The following EIF3H variants were observed in gnomAD, a reference collection of about 807,000 sequenced individuals.
The protein encoded by EIF3H is eIF-3-gamma.
A neutral mutation model predicts 44.2 loss-of-function variants in EIF3H; 26 were observed. The ratio of observed to expected loss-of-function variants is 0.59; its 90% CI spans 0.43 to 0.82. The LOEUF (loss-of-function observed/expected upper bound fraction) is 0.82. Ranked by LOEUF, EIF3H falls within the 40% of genes least tolerant of loss-of-function variation. EIF3H has a pLI of 0.00. For synonymous variants in EIF3H, 166 were observed against 151.9 expected (o/e 1.09, Z -0.68); for missense variants, 359 against 432.8 (o/e 0.83, Z 1.51).
rs534618499 is a variant in EIF3H, at chr8:116,696,450, T to C, written c.289+29566A>G. Among the ~76,000 whole-genome samples, 31 of 152,284 alleles carry C rather than the reference T, an allele frequency of 2.0e-4. No individual in the cohort carries two copies. The South Asian group carries it at 2.1e-3, about 10-fold the overall frequency. On this transcript the variant is annotated intron_variant, in intron 2 of 7. Transcript: ENST00000521861. The stretch of plus-strand genomic sequence containing the variant: ...AAATTGAAAATTTCTTAAAAGAGAA[T>C]AGTTACAAAGTTCCCCATAAAATAC...
chr8:116,746,342 A>G (rs1035536134), intron 1 of EIF3H, among the ~76,000 whole-genome samples: 3 of 152,198 alleles, frequency 2.0e-5, no homozygotes, highest in Non-Finnish European at 4.4e-5. Flanking sequence ...ATCAAATCAC[A>G]TAAACTATTT....
chr8:116,746,260 T>C (rs976923099), intron 1 of EIF3H, among the ~76,000 whole-genome samples: 2 of 152,188 alleles, frequency 1.3e-5, no homozygotes, highest in Admixed American at 6.5e-5. Flanking sequence ...TATTTCCCAA[T>C]GCTCAAACAA....
intron 2 of EIF3H, among the ~76,000 whole-genome samples, chr8:116,698,254 C>T (rs1196816780): frequency 6.6e-6 from 1 of 151,972 alleles, no homozygotes; most frequent in Non-Finnish European, 1.5e-5. Context: ...AGATGGAATA[C>T]TCAAAGAAGT....
chr8:116,752,739 A>AAGAAG (rs1815372801), intron 1 of EIF3H, among the ~76,000 whole-genome samples: 4 of 113,114 alleles, frequency 3.5e-5, no homozygotes, highest in African/African-American at 1.0e-4. Context: ...AAAGAAGAGA[A>AAGAAG]AGAAAGAAAG....
chr8:116,743,792 ATATATAAACACAC>A (rs1563659856), intron 1 of EIF3H, among the ~76,000 whole-genome samples: 30 of 89,470 alleles, frequency 3.4e-4, no homozygotes, highest in African/African-American at 4.4e-4. Context: ...ATATATATAT[ATATATAAACACAC>A]ACACACACAC....
intron 2 of EIF3H, among the ~76,000 whole-genome samples, chr8:116,694,217 G>A (rs1814227730): frequency 6.6e-6 from 1 of 151,264 alleles, no homozygotes; most frequent in Non-Finnish European, 1.5e-5. Flanking sequence ...TCAGCAATCA[G>A]CAGTACATGA....
intron 2 of EIF3H, chr8:116,689,212 G>C (rs752813819): frequency 5.5e-5 from 20 of 364,410 alleles, no homozygotes; most frequent in Non-Finnish European, 9.6e-5. Flanking sequence ...ACTTACATGA[G>C]TTATCTAGAA....
intron 2 of EIF3H, among the ~76,000 whole-genome samples, chr8:116,713,167 G>A (rs1248344228): frequency 1.3e-5 from 2 of 151,986 alleles, no homozygotes; most frequent in African/African-American, 2.4e-5. Context: ...GTAATTTAAG[G>A]ATTACATTTT....
chr8:116,656,131 A>C (rs1813485265), intron 4 of EIF3H, 126 bp from the exon 5 acceptor site: 1 of 752,664 alleles, frequency 1.3e-6, no homozygotes, highest in Non-Finnish European at 2.0e-6. Context: ...CTCTTAAAAA[A>C]AAAAAAAGTA....
intron 2 of EIF3H, among the ~76,000 whole-genome samples, chr8:116,693,277 T>C (rs776788943): frequency 6.6e-6 from 1 of 152,260 alleles, no homozygotes; most frequent in Non-Finnish European, 1.5e-5. Context: ...CTAAGTATCA[T>C]TTGACATCAG....
upstream of EIF3H, among the ~76,000 whole-genome samples, chr8:116,759,779 G>C (rs1815499942): frequency 6.6e-6 from 1 of 152,050 alleles, no homozygotes; most frequent in Non-Finnish European, 1.5e-5. Context: ...GCCCAGGCTG[G>C]AGTGTAATGG....
intron 1 of EIF3H, among the ~76,000 whole-genome samples, chr8:116,749,944 T>A (rs573986961): frequency 1.2e-4 from 18 of 152,414 alleles, no homozygotes; most frequent in African/African-American, 4.1e-4. Context: ...GAAAAATTGG[T>A]CTTGGCCACT....
intron 2 of EIF3H, chr8:116,697,026 G>A (rs1814280428): frequency 2.2e-6 from 1 of 454,074 alleles, no homozygotes; most frequent in Non-Finnish European, 4.4e-6. Context: ...GATAACAGTA[G>A]TCTCACTGTG....
intron 2 of EIF3H, among the ~76,000 whole-genome samples, chr8:116,662,094 A>G (rs886555232): frequency 3.9e-5 from 6 of 152,224 alleles, no homozygotes; most frequent in Non-Finnish European, 8.8e-5. Context: ...ATATCAAAAT[A>G]AAGAGGCTAA....
At chr8:116,681,932 T>C (rs1408838949) in intron 2 of EIF3H, among the ~76,000 whole-genome samples, 1 of 152,054 alleles carries the variant, frequency 6.6e-6, no homozygotes, top group Non-Finnish European at 1.5e-5. Flanking sequence ...ATAGATAAGA[T>C]AGGGAGAGAA....
intron 1 of EIF3H, among the ~76,000 whole-genome samples, chr8:116,744,235 G>C (rs1301437460): frequency 1.4e-5 from 2 of 144,554 alleles, no homozygotes; most frequent in African/African-American, 5.1e-5. Context: ...AAAACAAACA[G>C]TAAGCCTCAA....
At chr8:116,744,176 C>A in intron 1 of EIF3H, among the ~76,000 whole-genome samples, 1 of 147,396 alleles carries the variant, frequency 6.8e-6, no homozygotes, top group Non-Finnish European at 1.5e-5. Context: ...GAAATAAAAT[C>A]AGATGGCGAC....
At chr8:116,698,670 C>T (rs1041318428) in intron 2 of EIF3H, among the ~76,000 whole-genome samples, 2 of 152,224 alleles carry the variant, frequency 1.3e-5, no homozygotes, top group Admixed American at 6.5e-5. Context: ...CTGCATCTCT[C>T]GGCATCCTTG....
At chr8:116,732,532 C>T (rs10086419) in intron 1 of EIF3H, among the ~76,000 whole-genome samples, 135,278 of 152,180 alleles carry the variant, frequency 0.89, 60,416 homozygotes, top group African/African-American at 0.96. Flanking sequence ...TTAAAGCTTT[C>T]TGATGAACTA....
Sources: allele counts gnomAD v4.1 joint callset (sites outside exome capture counted in the v4.1 genomes callset), GRCh38; gene constraint gnomAD v4.1.1; transcripts MANE v1.5; gene names NCBI Gene and HGNC (gene_info 2026-07-23, HGNC 2026-07-21).